PSME3: variants seen among roughly 807,000 people sequenced by gnomAD.
PSME3 encodes proteasome activator subunit 3, also known as proteasome activator complex subunit 3.
In PSME3, 7 loss-of-function variants were observed where a neutral mutation model predicts 38.3. That is an observed-to-expected ratio of 0.18 (90% CI 0.10 to 0.34). The LOEUF (loss-of-function observed/expected upper bound fraction) is 0.34, where lower values mean the gene tolerates loss of function less well. Among genes scored for constraint, PSME3 ranks in the 10% least tolerant of loss-of-function variants. PSME3 has a pLI of 1.00. For synonymous variants in PSME3, 108 were observed against 105.7 expected, an observed-to-expected ratio of 1.02 and a Z score of -0.13; for missense variants, 192 against 307.6, an observed-to-expected ratio of 0.62 and a Z score of 2.81.
At chr17:42,837,999 T>TA in intron 5 of PSME3, 94 bp from the exon 6 acceptor site, 1 of 1,317,024 alleles carries the variant, frequency 7.6e-7, no homozygotes, top group Non-Finnish European at 1.1e-6. Flanking sequence ...GCAGAGGTCA[T>TA]AGCATCTGAT....
chr17:42,833,997 T>A (rs1284438047), intron 1 of PSME3: 1 of 1,436,876 alleles, frequency 7.0e-7, no homozygotes, highest in Non-Finnish European at 9.1e-7. Context: ...GCGGCTGGCC[T>A]GCCTAGTATC....
chr17:42,841,829 A>T lies in PSME3; in HGVS notation c.*251A>T. On this transcript the variant is annotated 3_prime_UTR_variant, in exon 11 of 11. Coordinates refer to ENST00000590720, the MANE Select transcript of PSME3 (RefSeq NM_005789.4). Reference sequence around the variant, plus strand: ...CCTGTCGTAATTTCTGGAGAACTCCAGGTTTGTGTGTGCAGGATGTTGGCA... The same window carrying T: ...CCTGTCGTAATTTCTGGAGAACTCCTGGTTTGTGTGTGCAGGATGTTGGCA... The T allele has an allele frequency of 2.8e-6, 1 of 354,604 alleles. No homozygotes were observed. Among genetic ancestry groups the T allele is most frequent in the Non-Finnish European group, 5.1e-6 (1 of 196,132 alleles). The allele number at this position is 354,604 out of a possible 1,614,324, so 22.0% of individuals were successfully genotyped here.
chr17:42,838,585 T>TTCG lies in PSME3; in HGVS notation c.406-146_406-145insTCG, dbSNP rs984353828. The TTCG allele has an allele frequency of 2.6e-5, 21 of 814,982 alleles. No homozygotes were observed. The African/African-American group carries it at 2.9e-4, about 11-fold the overall frequency. 50.5% of individuals were successfully genotyped at this position (814,982 alleles called of 1,614,324 possible). On this transcript the variant is annotated intron_variant, in intron 6 of 10. Transcript: ENST00000590720. The stretch of plus-strand genomic sequence containing the variant: ...CACCCGCTTCGGGGTCCCAAATTGC[T>TTCG]GGGATTACCGGCATGAGCCACCATG...
intron 6 of PSME3, among the ~76,000 whole-genome samples, 161 bp downstream of exon 6, chr17:42,838,366 G>A (rs377368578): frequency 1.3e-5 from 2 of 152,116 alleles, no homozygotes; most frequent in East Asian, 3.9e-4. Context: ...GGAGTGCAGT[G>A]GCGCCATCTC....
intron 4 of PSME3, 138 bp downstream of exon 4, chr17:42,835,014 C>A: frequency 8.4e-7 from 1 of 1,190,352 alleles, no homozygotes; most frequent in East Asian, 2.9e-5. Context: ...CATGATGACT[C>A]TAGTATAGTT....
chr17:42,833,838 A>G, intron 1 of PSME3, 165 bp downstream of exon 1: 1 of 1,535,404 alleles, frequency 6.5e-7, no homozygotes, highest in Non-Finnish European at 8.8e-7. Context: ...GCGGGAGAGG[A>G]AAATATAGGA....
chr17:42,834,547 G>A lies in PSME3; in HGVS notation c.108G>A (p.Lys36=), dbSNP rs747260243. The change falls in exon 3 of 11, where the codon AAG becomes AAA. Residue 36 remains lysine (K), a synonymous_variant. Coordinates refer to ENST00000590720, the MANE Select transcript of PSME3 (RefSeq NM_005789.4). ...AEDLVANFFP[K]KLLELDSFLK... ...ACTTGGTGGCAAATTTTTTCCCAAA[G>A]AAGTTATTAGAACTTGATAGTTTTC... 2 of 1,613,764 alleles carry A rather than the reference G, an allele frequency of 1.2e-6. No individual in the cohort carries two copies. The highest frequency in any genetic ancestry group is 4.5e-5 in the East Asian group (2 of 44,880).
intron 6 of PSME3, 49 bp from the exon 7 acceptor site, chr17:42,838,682 A>G (rs769504806): frequency 3.9e-6 from 6 of 1,556,862 alleles, no homozygotes; most frequent in Non-Finnish European, 5.3e-6. Context: ...TGTGTACTTC[A>G]TGGCTTCAGC....
At position 42,833,420 on chromosome 17, in the gene PSME3, A is replaced by C. The variant is rs2055420734; in HGVS notation, c.-212A>C. 4.9e-6 allele frequency: 3 copies of C among 611,484 alleles called. No individual in the cohort carries two copies. The East Asian group carries it at 8.4e-5, about 17-fold the overall frequency. 37.9% of individuals were successfully genotyped at this position (611,484 alleles called of 1,614,324 possible). A position where few individuals can be genotyped will look rare whatever the true frequency, so the allele number is the denominator to read the frequency against. On this transcript the variant is annotated 5_prime_UTR_variant, in exon 1 of 11. Transcript: ENST00000590720. ...ACGCAGTTTCCGGCGTGAGCGGCGA[A>C]AGCCGGGAGGGCGAGCGAGAGAGCA...
At position 42,838,205 on chromosome 17, in the gene PSME3, G is replaced by A. The variant is rs1387048988; in HGVS notation, c.405G>A (p.Thr135=). 1 of 1,613,752 alleles carries A rather than the reference G, an allele frequency of 6.2e-7. No individual in the cohort carries two copies. The highest frequency in any genetic ancestry group is 8.5e-7 in the Non-Finnish European group (1 of 1,180,012). Residue 135 remains threonine, a splice_region_variant and synonymous_variant, in exon 6 of 11, where the codon ACG becomes ACA. Transcript: ENST00000590720. The part of the protein sequence containing the change: ...EIRLLIEKCN[T]VKMWVQLLIP... ...GGCTGTTGATTGAGAAATGTAACAC[G>A]GTGAGGCACAGGCTGGTGACCTATG...
At chr17:42,840,395 C>T (rs2055517207) in intron 10 of PSME3, among the ~76,000 whole-genome samples, 2 of 152,122 alleles carry the variant, frequency 1.3e-5, no homozygotes, top group African/African-American at 2.4e-5. Context: ...CACATGAGGT[C>T]AGGAGTTTTT....
intron 1 of PSME3, 187 bp downstream of exon 1, chr17:42,833,860 A>C (rs2144238524): frequency 6.7e-7 from 1 of 1,495,642 alleles, no homozygotes; most frequent in Non-Finnish European, 8.9e-7. Context: ...GGCTTTCTGT[A>C]CCGCGTCTGA....
intron 4 of PSME3, among the ~76,000 whole-genome samples, chr17:42,837,389 T>G (rs1262177594): frequency 6.6e-6 from 1 of 152,036 alleles, no homozygotes; most frequent in East Asian, 1.9e-4. Context: ...TTCACTATGT[T>G]GGCTAGGCTG....
Position 42,837,648 on chromosome 17 carries a change from GC to G in PSME3, c.246del (p.Thr83LeufsTer21). ...LTNSHDGLDG[P>X]TYKKRRLDEC... is the part of the protein sequence containing the mutation. ...TCATCCCTGCCTCTTTGTATCCTTA[GC>G]CCACTTATAAGAAGCGAAGGTTGGA... On this transcript the variant is annotated frameshift_variant and splice_region_variant, in exon 5 of 11. Transcript: ENST00000590720. LOFTEE classifies it high-confidence loss of function. 6.2e-7 allele frequency: 1 copy of G among 1,614,086 alleles called. No homozygotes were observed. Among genetic ancestry groups the G allele is most frequent in the Non-Finnish European group, 8.5e-7 (1 of 1,179,984 alleles).
chr17:42,837,665 G>A lies in PSME3; in HGVS notation c.260G>A (p.Arg87Gln), dbSNP rs749402699. The A allele has an allele frequency of 5.0e-6, 8 of 1,613,940 alleles. No homozygotes were observed. The African/African-American group carries it at 5.3e-5, about 11-fold the overall frequency. ...DGLDGPTYKK[R>Q]RLDECEEAFQ... Reference sequence around the variant, plus strand: ...TATCCTTAGCCCACTTATAAGAAGCGAAGGTTGGATGAGTGTGAAGAAGCC... The same window carrying A: ...TATCCTTAGCCCACTTATAAGAAGCAAAGGTTGGATGAGTGTGAAGAAGCC... Residue 87 changes from arginine (R) to glutamine (Q), a missense_variant, in exon 5 of 11, where the codon CGA (arginine) becomes CAA (glutamine). Transcript: ENST00000590720.
chr17:42,834,460 G>GAGAGAA lies in PSME3; in HGVS notation c.76-50_76-49insAAGAGA, dbSNP rs2055437769. ...CTGGAGAGAGAGAGAGAGAGAGAGA[G>GAGAGAA]AGAGAGAGACCTTCCCACAGATATT... is the stretch of plus-strand genomic sequence containing the variant. On this transcript the variant is annotated intron_variant, in intron 2 of 10. Coordinates refer to ENST00000590720, the MANE Select transcript of PSME3 (RefSeq NM_005789.4). 1.9e-6 allele frequency: 3 copies of GAGAGAA among 1,608,588 alleles called. No homozygotes were observed. In the African/African-American group the frequency reaches 4.0e-5, roughly 22 times the overall value.
rs1435392156 is a variant in PSME3, at chr17:42,843,088, C to G, written c.*1510C>G. 2 of 152,806 alleles carry G rather than the reference C, an allele frequency of 1.3e-5. No individual in the cohort carries two copies. Among genetic ancestry groups the G allele is most frequent in the Non-Finnish European group, 2.9e-5 (2 of 68,074 alleles). The allele number at this position is 152,806 out of a possible 1,614,324, so 9.5% of individuals were successfully genotyped here. On this transcript the variant is annotated 3_prime_UTR_variant, in exon 11 of 11. Transcript: ENST00000590720. The stretch of plus-strand genomic sequence containing the variant: ...GATCCCTTCCAGCTAAAACCCTTCC[C>G]CCTTCCCTCCATGTGTTTCTCAGTT...
At chr17:42,835,764 G>A (rs1449005400) in intron 4 of PSME3, among the ~76,000 whole-genome samples, 1 of 152,036 alleles carries the variant, frequency 6.6e-6, no homozygotes, top group Non-Finnish European at 1.5e-5. Flanking sequence ...AGGTTACCTG[G>A]TTTTTCCCAT....
At position 42,839,343 on chromosome 17, in the gene PSME3, G is replaced by A; in HGVS notation, c.647G>A (p.Ser216Asn). Residue 216 changes from serine to asparagine, a missense_variant, in exon 10 of 11, where the codon AGC becomes AAC. Ser to Asn is a conservative substitution (Grantham distance 46, BLOSUM62 1). Coordinates refer to ENST00000590720, the MANE Select transcript of PSME3 (RefSeq NM_005789.4). ...VTEIDEKEYI[S>N]LRLIISELRN... ...GAGATTGATGAGAAAGAATATATCA[G>A]CCTTCGGCTCATCATATCAGAGCTG... 6.2e-7 allele frequency: 1 copy of A among 1,613,340 alleles called. No individual in the cohort carries two copies. The highest frequency in any genetic ancestry group is 8.5e-7 in the Non-Finnish European group (1 of 1,179,596).
Sources: gnomAD v4.1 joint callset for allele counts (sites outside exome capture counted in the v4.1 genomes callset) on GRCh38, gnomAD v4.1.1 for gene constraint, MANE v1.5 for transcripts, NCBI Gene and HGNC (gene_info 2026-07-23, HGNC 2026-07-21) for gene names.